DCC: variants seen among roughly 807,000 people sequenced by gnomAD.
The protein encoded by DCC is netrin receptor DCC.
A neutral mutation model predicts 172.5 loss-of-function variants in DCC; 58 were observed. That is an observed-to-expected ratio of 0.34 (90% confidence interval 0.27 to 0.42). The LOEUF is 0.42. Among genes scored for constraint, DCC ranks in the 10% least tolerant of loss-of-function variants. The pLI, the probability that DCC is intolerant of heterozygous loss-of-function variation, is 1.00. For missense variants in DCC, 1,740 were observed against 1,791.0 expected (o/e 0.97, Z 0.51); for synonymous variants, 709 against 644.5 (o/e 1.10, Z -1.52).
chr18:53,402,977 C>T (rs986850032), intron 19 of DCC, 84 bp downstream of exon 19: 14 of 939,714 alleles, frequency 1.5e-5, no homozygotes, highest in African/African-American at 3.2e-5. Flanking sequence ...TCCTGCCTTT[C>T]GTGTGGCATT....
chr18:52,956,845 T>C (rs1265928055), intron 5 of DCC, among the ~76,000 whole-genome samples: 1 of 152,278 alleles, frequency 6.6e-6, no homozygotes, highest in Non-Finnish European at 1.5e-5. Flanking sequence ...GGAAATATTT[T>C]TCTCTATAAA....
intron 1 of DCC, among the ~76,000 whole-genome samples, chr18:52,401,562 G>A (rs1389195164): frequency 1.3e-5 from 2 of 151,998 alleles, no homozygotes; most frequent in East Asian, 3.9e-4. Context: ...GCTACATGTA[G>A]AGCAAAGGAA....
chr18:52,559,575 A>G (rs1381248448), intron 1 of DCC, among the ~76,000 whole-genome samples: 2 of 152,202 alleles, frequency 1.3e-5, no homozygotes, highest in African/African-American at 4.8e-5. Flanking sequence ...TTAGGTAATC[A>G]AAAATGAAAA....
At chr18:53,331,864 A>T (rs954908574) in intron 14 of DCC, among the ~76,000 whole-genome samples, 1 of 152,226 alleles carries the variant, frequency 6.6e-6, no homozygotes, top group Admixed American at 6.5e-5. Context: ...TGGTTTTGTT[A>T]GGATAAACCT....
chr18:53,042,114 C>G (rs780773586), intron 5 of DCC, among the ~76,000 whole-genome samples: 1 of 151,918 alleles, frequency 6.6e-6, no homozygotes. Flanking sequence ...CAGCTTTTGC[C>G]CATTCAGTAT....
chr18:53,131,334 C>T (rs2043647905), intron 7 of DCC, among the ~76,000 whole-genome samples: 1 of 152,036 alleles, frequency 6.6e-6, no homozygotes, highest in South Asian at 2.1e-4. Context: ...ATAAATACTT[C>T]TGGAGAAGAA....
At chr18:53,143,853 G>A (rs1175260895) in intron 7 of DCC, among the ~76,000 whole-genome samples, 1 of 152,202 alleles carries the variant, frequency 6.6e-6, no homozygotes, top group Non-Finnish European at 1.5e-5. Context: ...AGCCACAGGT[G>A]CGAGAATGAT....
At chr18:53,510,335 G>T (rs1203208706) in intron 27 of DCC, among the ~76,000 whole-genome samples, 2 of 152,282 alleles carry the variant, frequency 1.3e-5, no homozygotes, top group East Asian at 3.9e-4. Context: ...TTTTCTGGTG[G>T]TAGGGAGGGT....
intron 1 of DCC, among the ~76,000 whole-genome samples, chr18:52,359,433 C>T (rs1218130458): frequency 1.3e-5 from 2 of 152,056 alleles, no homozygotes; most frequent in African/African-American, 2.4e-5. Flanking sequence ...TCTCAGGCTC[C>T]CTTGCAGCTA....
At chr18:52,458,229 G>T (rs529403131) in intron 1 of DCC, among the ~76,000 whole-genome samples, 76 of 152,112 alleles carry the variant, frequency 5.0e-4, no homozygotes, top group African/African-American at 1.8e-3. Flanking sequence ...CGGCTGCAGG[G>T]GCTGCCCCTG....
intron 3 of DCC, among the ~76,000 whole-genome samples, chr18:52,911,452 A>T (rs1468534251): frequency 6.6e-6 from 1 of 152,166 alleles, no homozygotes; most frequent in Non-Finnish European, 1.5e-5. Context: ...CAGATTAAGT[A>T]ACATGCCCTA....
At chr18:52,636,973 T>C (rs943583942) in intron 1 of DCC, among the ~76,000 whole-genome samples, 3 of 152,152 alleles carry the variant, frequency 2.0e-5, no homozygotes, top group South Asian at 2.1e-4. Context: ...GAGAGACCCA[T>C]AGACGGTTCA....
intron 21 of DCC, among the ~76,000 whole-genome samples, chr18:53,428,803 TA>T (rs1911328870): frequency 3.0e-5 from 1 of 33,824 alleles, no homozygotes; most frequent in South Asian, 1.4e-3. Flanking sequence ...TTATATATTA[TA>T]TATTTTATAT....
intron 12 of DCC, among the ~76,000 whole-genome samples, chr18:53,304,062 T>G (rs1221748988): frequency 4.8e-5 from 7 of 146,070 alleles, no homozygotes; most frequent in Admixed American, 4.7e-4. Flanking sequence ...GCTCCTTCTC[T>G]TCTCTTCTTT....
intron 27 of DCC, among the ~76,000 whole-genome samples, chr18:53,511,365 A>G (rs915872313): frequency 2.6e-5 from 4 of 152,234 alleles, no homozygotes; most frequent in Admixed American, 6.5e-5. Flanking sequence ...AACAGACAGT[A>G]GAGAGGTGGC....
rs72921416 is a variant in DCC at position 53,131,168 on chromosome 18, C to T, written c.1262-26188C>T. ...AGGGTAAAAGTTCAAACAAAAGATA[C>T]ATTCACCTTTTAAAATGTAAATGAA... On this transcript the variant is annotated intron_variant, in intron 7 of 28. Coordinates refer to ENST00000442544, the MANE Select transcript of DCC (RefSeq NM_005215.4). 2.9e-3 allele frequency among the ~76,000 whole-genome samples: 448 copies of T among 152,200 alleles called. 1 individual carries two copies. Among genetic ancestry groups the T allele is most frequent in the Non-Finnish European group, 5.3e-3 (362 of 67,990 alleles).
rs182354096 is a variant in DCC at position 52,691,594 on chromosome 18, G to A, written c.92-60460G>A. On this transcript the variant is annotated intron_variant, in intron 1 of 28. Transcript: ENST00000442544. ...AATCTCAGGGGGGCTTCTTCCCTCT[G>A]TGTGTGTCCTCTCTTCTTTCAAGGA... is the stretch of plus-strand genomic sequence containing the variant. Among the ~76,000 whole-genome samples, 368 of 152,218 alleles carry A rather than the reference G, an allele frequency of 2.4e-3. 2 individuals are homozygous for A. Among genetic ancestry groups the A allele is most frequent in the Non-Finnish European group, 3.7e-3 (249 of 68,006 alleles).
intron 1 of DCC, among the ~76,000 whole-genome samples, chr18:52,745,351 T>A (rs1332351495): frequency 6.6e-6 from 1 of 152,180 alleles, no homozygotes; most frequent in Admixed American, 6.5e-5. Flanking sequence ...GGCCACCAGA[T>A]GTTTTGGAGC....
chr18:53,098,104 A>G (rs1439654962), intron 7 of DCC, among the ~76,000 whole-genome samples: 2 of 152,102 alleles, frequency 1.3e-5, no homozygotes, highest in East Asian at 3.9e-4. Context: ...ACAACTAGAA[A>G]TTGATTTTAG....
Sources: gnomAD v4.1 joint callset for allele counts (sites outside exome capture counted in the v4.1 genomes callset) on GRCh38, gnomAD v4.1.1 for gene constraint, MANE v1.5 for transcripts, NCBI Gene and HGNC (gene_info 2026-07-23, HGNC 2026-07-21) for gene names.